Variants in CR2 observed in about 807,000 individuals in gnomAD.
The protein encoded by CR2 is complement receptor type 2.
Under a neutral mutation model 123.0 loss-of-function variants are expected in CR2, and 96 were observed. The ratio of observed to expected loss-of-function variants is 0.78; its 90% CI spans 0.66 to 0.93. The LOEUF is 0.93. Among genes scored for constraint, CR2 ranks in the 40% least tolerant of loss-of-function variants. CR2 has a pLI of 0.00. For missense variants in CR2, 1,258 were observed against 1,361.0 expected, an observed-to-expected ratio of 0.92 and a Z score of 1.19; for synonymous variants, 484 against 469.5, an observed-to-expected ratio of 1.03 and a Z score of -0.40.
chr1:207,485,039 T>A (rs996189959), intron 18 of CR2, among the ~76,000 whole-genome samples: 1 of 152,234 alleles, frequency 6.6e-6, no homozygotes, highest in Non-Finnish European at 1.5e-5. Flanking sequence ...AAAATGGAGT[T>A]ACAGTGTTTA....
chr1:207,466,654 C>T lies in CR2; in HGVS notation c.187C>T (p.Leu63=). ...CTTCCGCCTCATTGGAGAAAAAAGT[C>T]TATTATGCATAACTAAAGACAAAGT... ...GTFRLIGEKS[L]LCITKDKVDG... Residue 63 remains leucine, a synonymous_variant, in exon 2 of 20, where the codon CTA becomes TTA. Coordinates refer to ENST00000367057, the MANE Select transcript of CR2 (RefSeq NM_001006658.3). 1.9e-6 allele frequency: 3 copies of T among 1,614,038 alleles called. No homozygotes were observed. Among genetic ancestry groups the T allele is most frequent in the Non-Finnish European group, 2.5e-6 (3 of 1,179,992 alleles).
chr1:207,466,533 T>C lies in CR2; in HGVS notation c.66T>C (p.Ser22=), dbSNP rs1316439972. 4.3e-6 allele frequency: 7 copies of C among 1,613,996 alleles called. No homozygotes were observed. Among genetic ancestry groups the C allele is most frequent in the African/African-American group, 4.0e-5 (3 of 74,912 alleles). ...ALVAPGVLGI[S]CGSPPPILNG... is the part of the protein sequence containing the mutation. ...TCCTTTTCTACTTTTCAGGGATTTC[T>C]TGTGGCTCTCCTCCGCCTATCCTAA... Residue 22 remains serine (S), a synonymous_variant, in exon 2 of 20, where the codon TCT becomes TCC. Transcript: ENST00000367057.
At chr1:207,457,776 C>T (rs1041498909) in intron 1 of CR2, among the ~76,000 whole-genome samples, 1 of 152,062 alleles carries the variant, frequency 6.6e-6, no homozygotes, top group Non-Finnish European at 1.5e-5. Flanking sequence ...CCTGTTGTCT[C>T]TTAGTCTTTT....
chr1:207,465,178 C>CCT (rs1235677361), intron 1 of CR2, among the ~76,000 whole-genome samples: 1 of 152,114 alleles, frequency 6.6e-6, no homozygotes, highest in African/African-American at 2.4e-5. Flanking sequence ...GATCCACCTG[C>CCT]CTCAGCCTCC....
intron 18 of CR2, 46 bp from the exon 19 acceptor site, chr1:207,485,418 G>C (rs1285517016): frequency 2.5e-6 from 3 of 1,190,956 alleles, no homozygotes; most frequent in Non-Finnish European, 3.8e-6. Flanking sequence ...ATTGAAACAT[G>C]GTCAATGAGT....
intron 1 of CR2, among the ~76,000 whole-genome samples, chr1:207,461,759 C>T (rs1332339510): frequency 6.6e-6 from 1 of 152,160 alleles, no homozygotes; most frequent in Non-Finnish European, 1.5e-5. Context: ...CCCTAGAGAT[C>T]TTCAAGTGGT....
Position 207,478,025 on chromosome 1 carries a change from C to T in CR2, c.3043C>T (p.Gln1015Ter). ...GGAAGGCAGTCCCCAGAGCCAGTGC[C>T]AATCGGATCACCAATGGAACCCTCC... ...MLEGSPQSQC[Q>*]SDHQWNPPLA... The change falls in exon 16 of 20, where the codon CAA (glutamine) becomes TAA (stop). Residue 1015 changes from glutamine to a stop codon, truncating the protein, a stop_gained. Coordinates refer to ENST00000367057, the MANE Select transcript of CR2 (RefSeq NM_001006658.3). LOFTEE classifies it high-confidence loss of function. The T allele has an allele frequency of 1.2e-6, 2 of 1,614,038 alleles. No homozygotes were observed. Among genetic ancestry groups the T allele is most frequent in the South Asian group, 2.2e-5 (2 of 91,074 alleles).
At chr1:207,471,621 C>T in intron 9 of CR2, 122 bp downstream of exon 9, 2 of 763,482 alleles carry the variant, frequency 2.6e-6, no homozygotes, top group Non-Finnish European at 2.4e-6. Flanking sequence ...TTGATTCTGC[C>T]AATAGTTATG....
chr1:207,479,896 C>A, intron 17 of CR2, 82 bp from the exon 18 acceptor site: 1 of 1,002,860 alleles, frequency 1.0e-6, no homozygotes, highest in Non-Finnish European at 1.6e-6. Flanking sequence ...TTCCCCACCA[C>A]TAGCAATAGG....
chr1:207,479,432 C>T (rs1403777628), intron 17 of CR2, 152 bp downstream of exon 17: 3 of 614,548 alleles, frequency 4.9e-6, no homozygotes, highest in Admixed American at 5.5e-5. Context: ...GTACATGTCA[C>T]ATTACAAAAT....
Position 207,468,677 on chromosome 1 carries a change from C to T in CR2, c.596C>T (p.Ser199Phe), listed in dbSNP as rs771785482. ...LVGEKIINCL[S>F]SGKWSAVPPT... Reference sequence around the variant, plus strand: ...GGAGAAAAGATCATTAACTGTTTGTCTTCGGGAAAATGGAGTGCTGTCCCC... The same window carrying T: ...GGAGAAAAGATCATTAACTGTTTGTTTTCGGGAAAATGGAGTGCTGTCCCC... The change falls in exon 3 of 20, where the codon TCT becomes TTT. Residue 199 changes from serine (S) to phenylalanine (F), a missense_variant. Physicochemically the swap from Ser to Phe is radical, Grantham distance 155. Coordinates refer to ENST00000367057, the MANE Select transcript of CR2 (RefSeq NM_001006658.3). The T allele has an allele frequency of 1.9e-6, 3 of 1,613,916 alleles. No individual in the cohort carries two copies. The African/African-American group carries it at 4.0e-5, about 22-fold the overall frequency.
intron 1 of CR2, among the ~76,000 whole-genome samples, chr1:207,456,017 A>G (rs1263866421): frequency 2.6e-5 from 4 of 152,246 alleles, no homozygotes; most frequent in Non-Finnish European, 5.9e-5. Flanking sequence ...TGGAAAGGTT[A>G]AAGAGTGACC....
rs1404901024 is a variant in CR2 at position 207,482,974 on chromosome 1, AC to A, written c.3189-2487del. 8.6e-5 allele frequency among the ~76,000 whole-genome samples: 13 copies of A among 151,084 alleles called. No individual in the cohort carries two copies. In the East Asian group the frequency reaches 2.6e-3, roughly 30 times the overall value. On this transcript the variant is annotated intron_variant, in intron 18 of 19. Transcript: ENST00000367057. ...ATGCCATTAAAGAAAAAAAAAAAAA[AC>A]CCTGACACGTAAATCTTGTGGAAGC... is the stretch of plus-strand genomic sequence containing the variant.
intron 12 of CR2, 54 bp downstream of exon 12, chr1:207,473,939 T>A: frequency 6.6e-7 from 1 of 1,513,754 alleles, no homozygotes; most frequent in Non-Finnish European, 9.1e-7. Flanking sequence ...TTTTGTGGAT[T>A]AACTTGACCT....
In CR2 at chr1:207,471,460, G is replaced by C. The variant is rs1309873533; in HGVS notation, c.1531G>C (p.Gly511Arg). Residue 511 changes from glycine (G) to arginine (R), a missense_variant, in exon 9 of 20, where the codon GGC becomes CGC. Transcript: ENST00000367057. The stretch of plus-strand genomic sequence containing the variant: ...TGGGAGTGTTTATCAGGAGTGTCAA[G>C]GCACAATTCCTTGGTTTATGGAGAT... ...LSGSVYQECQ[G>R]TIPWFMEIRL... The C allele has an allele frequency of 7.4e-6, 12 of 1,612,996 alleles. No individual in the cohort carries two copies. The highest frequency in any genetic ancestry group is 2.7e-5 in the African/African-American group (2 of 74,842).
In CR2 at chr1:207,469,737, A is replaced by G. The variant is rs752570028; in HGVS notation, c.860A>G (p.His287Arg). 1.9e-6 allele frequency: 3 copies of G among 1,613,846 alleles called. No individual in the cohort carries two copies. In the African/African-American group the frequency reaches 4.0e-5, roughly 22 times the overall value. The change falls in exon 6 of 20, where the codon CAT becomes CGT. Residue 287 changes from histidine to arginine, a missense_variant. By Grantham distance (29) the His-to-Arg change is conservative. Coordinates refer to ENST00000367057, the MANE Select transcript of CR2 (RefSeq NM_001006658.3). ...CCTCCCCCTATTCTCAATGGAAGAC[A>G]TATAGGCAACTCACTAGCAAATGTC... The part of the protein sequence containing the change: ...PSPPPILNGR[H>R]IGNSLANVSY...
In CR2 at chr1:207,472,924, C is replaced by T. The variant is rs758797015; in HGVS notation, c.1723C>T (p.Arg575Cys). Residue 575 changes from arginine (R) to cysteine (C), a missense_variant, in exon 10 of 20, where the codon CGT becomes TGT. Physicochemically the swap from Arg to Cys is radical, Grantham distance 180. Coordinates refer to ENST00000367057, the MANE Select transcript of CR2 (RefSeq NM_001006658.3). ...CAGCCTCATTGGAGAGAGCACCATCCGTTGTACAAGCAATGATCAAGAAAG... is the reference window on the plus strand; with the variant it reads ...CAGCCTCATTGGAGAGAGCACCATCTGTTGTACAAGCAATGATCAAGAAAG... ...EFSLIGESTI[R>C]CTSNDQERGT... The T allele has an allele frequency of 5.6e-6, 9 of 1,613,902 alleles. No individual in the cohort carries two copies. The highest frequency in any genetic ancestry group is 2.7e-5 in the African/African-American group (2 of 74,892).
Position 207,477,896 on chromosome 1 carries a change from A to T in CR2, c.2914A>T (p.Ser972Cys). ...PAPHCKEVNC[S>C]SPADMDGIQK... ...TTCTTTAATTTCAGAGGTAAACTGT[A>T]GCTCACCAGCAGATATGGATGGAAT... is the stretch of plus-strand genomic sequence containing the variant. The change falls in exon 16 of 20, where the codon AGC (serine) becomes TGC (cysteine). Residue 972 changes from serine to cysteine, a missense_variant. Transcript: ENST00000367057. The T allele has an allele frequency of 6.2e-7, 1 of 1,614,022 alleles. No individual in the cohort carries two copies. The highest frequency in any genetic ancestry group is 8.5e-7 in the Non-Finnish European group (1 of 1,179,914).
chr1:207,477,236 C>G (rs1006401868), intron 15 of CR2, among the ~76,000 whole-genome samples: 1 of 152,178 alleles, frequency 6.6e-6, no homozygotes, highest in Non-Finnish European at 1.5e-5. Flanking sequence ...GAAGGAGGAG[C>G]AAAGGCACAT....
Sources: gnomAD v4.1 joint callset for allele counts (sites outside exome capture counted in the v4.1 genomes callset) on GRCh38, gnomAD v4.1.1 for gene constraint, MANE v1.5 for transcripts, NCBI Gene and HGNC (gene_info 2026-07-23, HGNC 2026-07-21) for gene names.